The following GBX1 variants were observed in gnomAD, a reference collection of about 807,000 sequenced individuals.
GBX1 encodes the protein gastrulation brain homeobox 1, also known as homeobox protein GBX-1.
Under a neutral mutation model 22.9 loss-of-function variants are expected in GBX1, and 9 were observed. The ratio of observed to expected loss-of-function variants is 0.39; its 90% CI spans 0.24 to 0.69. GBX1 has a LOEUF of 0.69. GBX1 is among the 30% of genes least tolerant of loss of function. The probability of loss-of-function intolerance (pLI) is 0.43; values close to 1 mark genes in which losing one functional copy is unlikely to be tolerated. For missense variants in GBX1, 494 were observed against 509.2 expected, an observed-to-expected ratio of 0.97 and a Z score of 0.29; for synonymous variants, 203 against 227.3, an observed-to-expected ratio of 0.89 and a Z score of 0.96.
intron 1 of GBX1, among the ~76,000 whole-genome samples, chr7:151,162,965 C>A (rs1310748473): frequency 1.3e-5 from 2 of 152,064 alleles, no homozygotes; most frequent in African/African-American, 4.8e-5. Flanking sequence ...CGGCACTAAG[C>A]CCGGCTAATT....
intron 1 of GBX1, among the ~76,000 whole-genome samples, chr7:151,160,650 A>G (rs1801179560): frequency 6.6e-6 from 1 of 152,212 alleles, no homozygotes; most frequent in South Asian, 2.1e-4. Flanking sequence ...TCTTTCTACT[A>G]CACCTGAATT....
intron 1 of GBX1, among the ~76,000 whole-genome samples, chr7:151,161,930 C>A (rs1440858303): frequency 1.3e-5 from 2 of 152,142 alleles, no homozygotes; most frequent in Non-Finnish European, 2.9e-5. Context: ...GAAACCAAAG[C>A]CTAGAGAAGT....
At chr7:151,150,489 C>G (rs914878716) in intron 1 of GBX1, among the ~76,000 whole-genome samples, 1 of 152,176 alleles carries the variant, frequency 6.6e-6, no homozygotes, top group Admixed American at 6.5e-5. Flanking sequence ...TAAGCAGACT[C>G]AGAGGTTGAG....
intron 1 of GBX1, among the ~76,000 whole-genome samples, chr7:151,156,563 C>T (rs990737396): frequency 1.3e-5 from 2 of 152,070 alleles, no homozygotes; most frequent in Non-Finnish European, 1.5e-5. Context: ...CCAAACTTCA[C>T]CTGTCCTTTA....
chr7:151,154,159 A>C (rs561418949), intron 1 of GBX1, among the ~76,000 whole-genome samples: 1 of 152,170 alleles, frequency 6.6e-6, no homozygotes. Context: ...TGCAGTGAGC[A>C]GAGAGCGCGC....
At chr7:151,151,421 T>G (rs1485904567) in intron 1 of GBX1, among the ~76,000 whole-genome samples, 1 of 152,210 alleles carries the variant, frequency 6.6e-6, no homozygotes, top group Admixed American at 6.5e-5. Context: ...TTGTTTTCTC[T>G]AAGATTCACA....
intron 1 of GBX1, among the ~76,000 whole-genome samples, chr7:151,149,445 C>T (rs1372817084): frequency 1.3e-5 from 2 of 152,074 alleles, no homozygotes; most frequent in Admixed American, 1.3e-4. Context: ...TCAACTTCCC[C>T]ACCACCCCCA....
intron 1 of GBX1, 122 bp downstream of exon 1, chr7:151,166,889 T>TA: frequency 2.1e-6 from 2 of 960,780 alleles, no homozygotes; most frequent in Non-Finnish European, 3.2e-6. Context: ...GCGCGCGATC[T>TA]AAAGGTCTGG....
intron 1 of GBX1, among the ~76,000 whole-genome samples, chr7:151,166,293 C>T (rs1456795157): frequency 4.6e-5 from 7 of 152,078 alleles, no homozygotes; most frequent in Non-Finnish European, 1.0e-4. Flanking sequence ...GGTTCTGCAC[C>T]CTAGATCTTT....
At chr7:151,151,042 T>C (rs181306587) in intron 1 of GBX1, among the ~76,000 whole-genome samples, 159 of 152,318 alleles carry the variant, frequency 1.0e-3, no homozygotes, top group African/African-American at 3.4e-3. Flanking sequence ...GACATTTTCC[T>C]TAGTGGCCAG....
At chr7:151,156,912 G>A (rs898987535) in intron 1 of GBX1, among the ~76,000 whole-genome samples, 1 of 146,626 alleles carries the variant, frequency 6.8e-6, no homozygotes, top group Non-Finnish European at 1.5e-5. Context: ...TTGAACCCAG[G>A]AGTCAGAGGT....
In GBX1 at chr7:151,167,066, T is replaced by C. The variant is rs1337209711; in HGVS notation, c.483A>G (p.Ala161=). 6.2e-7 allele frequency: 1 copy of C among 1,602,056 alleles called. No homozygotes were observed. Among genetic ancestry groups the C allele is most frequent in the African/African-American group, 1.4e-5 (1 of 72,884 alleles). ...DELLPAREKV[A]EPPPPPPPHF... is the part of the protein sequence containing the mutation. Reference sequence around the variant, plus strand: ...GCGGAGGCGGAGGTGGTGGGGGCTCTGCCACTTTCTCCCGGGCCGGCAGCA... The same window carrying C: ...GCGGAGGCGGAGGTGGTGGGGGCTCCGCCACTTTCTCCCGGGCCGGCAGCA... Residue 161 remains alanine, a synonymous_variant, in exon 1 of 2, where the codon GCA becomes GCG. Transcript: ENST00000297537. The surrounding 1 kb of genome is among the most constrained non-coding windows in gnomAD (Gnocchi z 5.9).
intron 1 of GBX1, chr7:151,149,933 C>T (rs769017170): frequency 2.9e-5 from 13 of 456,098 alleles, no homozygotes; most frequent in South Asian, 1.9e-4. Context: ...CCCCTTTCCC[C>T]AGCCAAGGAT....
rs1259017324 is a variant in GBX1 at position 151,148,830 on chromosome 7, T to C, written c.851A>G (p.Lys284Arg). 3 of 1,614,182 alleles carry C rather than the reference T, an allele frequency of 1.9e-6. No homozygotes were observed. The highest frequency in any genetic ancestry group is 2.7e-5 in the African/African-American group (2 of 75,020). The change falls in exon 2 of 2, where the codon AAA (lysine) becomes AGA (arginine). Residue 284 changes from lysine (K) to arginine (R), a missense_variant. Physicochemically the swap from Lys to Arg is conservative, Grantham distance 26. Around this residue, in one of 3 missense-constraint regions of GBX1, gnomAD observed 124 missense variants for 152.0 expected, o/e 0.82. Coordinates refer to ENST00000297537, the MANE Select transcript of GBX1 (RefSeq NM_001098834.3). This position sits in a 1 kb window ranked among gnomAD's most constrained non-coding sequence, Gnocchi z 5.1. The stretch of plus-strand genomic sequence containing the variant: ...AGAGCGCTCTGTCAAGCTCAGGTAT[T>C]TCTTGCAATGAAATTCCTTCTCCAA... ...LELEKEFHCK[K>R]YLSLTERSQI...
intron 1 of GBX1, among the ~76,000 whole-genome samples, chr7:151,166,481 C>T (rs797019405): frequency 2.4e-5 from 3 of 124,750 alleles, no homozygotes; most frequent in Admixed American, 7.4e-5. Context: ...GCAACCCCCC[C>T]CCCCCAACAC....
intron 1 of GBX1, among the ~76,000 whole-genome samples, chr7:151,166,414 T>G (rs1801250130): frequency 6.7e-6 from 1 of 148,788 alleles, no homozygotes. Flanking sequence ...GGCCCCCTAC[T>G]CAGTTCTTCA....
intron 1 of GBX1, among the ~76,000 whole-genome samples, chr7:151,165,564 C>T (rs1437708604): frequency 2.0e-5 from 3 of 152,204 alleles, no homozygotes; most frequent in East Asian, 1.9e-4. Flanking sequence ...TCCAGGCTCC[C>T]GCCCTGGGCC....
chr7:151,149,915 C>T, intron 1 of GBX1: 2 of 456,018 alleles, frequency 4.4e-6, no homozygotes, highest in South Asian at 1.5e-5. Context: ...CCATCTCTTT[C>T]CCACCTTCCC....
rs1170088972 is a variant in GBX1 at position 151,167,501 on chromosome 7, GC to G, written c.47del (p.Gly16AlafsTer15). 2.7e-6 allele frequency: 4 copies of G among 1,477,916 alleles called. No homozygotes were observed. Among genetic ancestry groups the G allele is most frequent in the East Asian group, 2.8e-5 (1 of 35,112 alleles). The allele number at this position is 1,477,916 out of a possible 1,614,324, so 91.6% of individuals were successfully genotyped here. A position where few individuals can be genotyped will look rare whatever the true frequency, so the allele number is the denominator to read the frequency against. ...GGSAPGGNGG[G>X]GGGGPGTAFS... ...AGGCAGTGCCCGGGCCCCCGCCGCC[GC>G]CCCCGCCGTTGCCCCCAGGGGCGCT... On this transcript the variant is annotated frameshift_variant, in exon 1 of 2. Transcript: ENST00000297537. LOFTEE classifies it high-confidence loss of function. This position sits in a 1 kb window ranked among gnomAD's most constrained non-coding sequence, Gnocchi z 5.9.
Sources: allele counts gnomAD v4.1 joint callset (sites outside exome capture counted in the v4.1 genomes callset), GRCh38; gene constraint gnomAD v4.1.1; regional missense constraint gnomAD v4.1.1; non-coding constraint Gnocchi (gnomAD v3.1); transcripts MANE v1.5; gene names NCBI Gene and HGNC (gene_info 2026-07-23, HGNC 2026-07-21).